NKAIN3: variants seen among roughly 807,000 people sequenced by gnomAD.
NKAIN3 encodes sodium/potassium-transporting ATPase subunit beta-1-interacting protein 3.
In NKAIN3, 25 loss-of-function variants were observed where a neutral mutation model predicts 30.2. The ratio of observed to expected loss-of-function variants is 0.83; its 90% CI spans 0.60 to 1.16. The LOEUF is 1.16. NKAIN3 is among the 50% of genes most tolerant of loss of function. The pLI is 0.00. For missense variants in NKAIN3, 225 were observed against 254.1 expected (o/e 0.89, Z 0.78); for synonymous variants, 91 against 89.6 (o/e 1.02, Z -0.09).
At chr8:62,719,218 A>G (rs1244565090) in intron 3 of NKAIN3, among the ~76,000 whole-genome samples, 1 of 152,220 alleles carries the variant, frequency 6.6e-6, no homozygotes, top group Non-Finnish European at 1.5e-5. Context: ...GGCCTGGCTC[A>G]GGACTGCTGA....
chr8:62,300,143 A>G (rs1170811661), intron 1 of NKAIN3, among the ~76,000 whole-genome samples: 4 of 152,050 alleles, frequency 2.6e-5, no homozygotes, highest in African/African-American at 7.2e-5. Flanking sequence ...GTTTGTATGC[A>G]TGGTGGTGGT....
intron 1 of NKAIN3, among the ~76,000 whole-genome samples, chr8:62,446,659 A>G (rs1181994041): frequency 6.6e-6 from 1 of 152,094 alleles, no homozygotes; most frequent in Non-Finnish European, 1.5e-5. Context: ...ACATCATTCT[A>G]CTTTCTATCT....
At position 62,918,572 on chromosome 8, in the gene NKAIN3, A is replaced by G. The variant is rs1011893647; in HGVS notation, c.532+59A>G. 1.4e-5 allele frequency: 15 copies of G among 1,082,790 alleles called. No homozygotes were observed. The Admixed American group carries it at 2.7e-4, about 20-fold the overall frequency. The allele number at this position is 1,082,790 out of a possible 1,614,324, so 67.1% of individuals were successfully genotyped here. On this transcript the variant is annotated intron_variant, in intron 5 of 6. Transcript: ENST00000623646. The stretch of plus-strand genomic sequence containing the variant: ...TTTTGAATGAGATACAGCTTCCAAA[A>G]CTAATCATTACAGGGCTATGAAATG...
intron 1 of NKAIN3, among the ~76,000 whole-genome samples, chr8:62,424,367 C>A (rs1804736250): frequency 6.6e-6 from 1 of 151,628 alleles, no homozygotes; most frequent in Admixed American, 6.6e-5. Flanking sequence ...GAAACCTACA[C>A]AATGGAGGAA....
chr8:62,329,063 T>G (rs925392683), intron 1 of NKAIN3, among the ~76,000 whole-genome samples: 2 of 151,964 alleles, frequency 1.3e-5, no homozygotes, highest in Middle Eastern at 3.2e-3. Flanking sequence ...GAGGTGAGGA[T>G]CTAAAGCCTT....
At chr8:62,629,210 G>C (rs1226471319) in intron 3 of NKAIN3, among the ~76,000 whole-genome samples, 1 of 152,032 alleles carries the variant, frequency 6.6e-6, no homozygotes. Flanking sequence ...GCCAGGCTTT[G>C]TTTAACACCT....
At chr8:62,727,185 T>G (rs894103963) in intron 3 of NKAIN3, among the ~76,000 whole-genome samples, 3 of 152,094 alleles carry the variant, frequency 2.0e-5, no homozygotes, top group African/African-American at 7.2e-5. Flanking sequence ...AAATTAGGAA[T>G]AGAGGGGGAC....
chr8:62,661,149 A>G (rs1309778679), intron 3 of NKAIN3, among the ~76,000 whole-genome samples: 2 of 152,206 alleles, frequency 1.3e-5, no homozygotes, highest in Admixed American at 1.3e-4. Flanking sequence ...CACGTACGCC[A>G]TCCTTCCAGG....
chr8:62,544,568 C>G (rs1808948878), intron 1 of NKAIN3, among the ~76,000 whole-genome samples: 1 of 151,320 alleles, frequency 6.6e-6, no homozygotes, highest in South Asian at 2.1e-4. Context: ...ATTTTAAAAA[C>G]TATAGATAAC....
intron 4 of NKAIN3, among the ~76,000 whole-genome samples, chr8:62,819,270 C>T (rs1818781395): frequency 6.6e-6 from 1 of 151,244 alleles, no homozygotes; most frequent in South Asian, 2.1e-4. Context: ...GATATGATGA[C>T]TGGGACTTGC....
At chr8:62,933,919 C>T (rs759211081) in intron 5 of NKAIN3, among the ~76,000 whole-genome samples, 3 of 152,178 alleles carry the variant, frequency 2.0e-5, no homozygotes, top group Non-Finnish European at 2.9e-5. Context: ...ATTACAAAAA[C>T]TTTGAGAGGG....
chr8:62,288,728 A>G (rs1186918404), intron 1 of NKAIN3, among the ~76,000 whole-genome samples: 1 of 152,222 alleles, frequency 6.6e-6, no homozygotes, highest in Non-Finnish European at 1.5e-5. Flanking sequence ...TTATAGCAGC[A>G]TGATTTATAA....
In NKAIN3 at chr8:62,412,138, A is replaced by G. The variant is rs1804257090; in HGVS notation, c.54+163011A>G. 2.6e-5 allele frequency among the ~76,000 whole-genome samples: 4 copies of G among 152,306 alleles called. No individual in the cohort carries two copies. The South Asian group carries it at 8.3e-4, about 32-fold the overall frequency. On this transcript the variant is annotated intron_variant, in intron 1 of 6. Transcript: ENST00000623646. ...AATACTGAGCATAAAGAACAAGGCC[A>G]AAGGCATCACACTAACCAAATTCAA...
intron 1 of NKAIN3, among the ~76,000 whole-genome samples, chr8:62,321,543 T>A (rs972873134): frequency 6.6e-6 from 1 of 152,212 alleles, no homozygotes; most frequent in Non-Finnish European, 1.5e-5. Context: ...GTTTTCCTTC[T>A]AACAGTCAGG....
intron 3 of NKAIN3, among the ~76,000 whole-genome samples, chr8:62,685,006 G>C (rs78544104): frequency 6.6e-6 from 1 of 152,228 alleles, no homozygotes; most frequent in African/African-American, 2.4e-5. Context: ...GAAGTCCTAA[G>C]AGACTCGCAT....
chr8:62,515,911 T>C (rs901781913), intron 1 of NKAIN3, among the ~76,000 whole-genome samples: 4 of 152,158 alleles, frequency 2.6e-5, no homozygotes, highest in African/African-American at 9.7e-5. Context: ...CTATTGTGTT[T>C]CCTGTCTTCT....
chr8:62,957,324 C>T (rs534580346), intron 6 of NKAIN3, among the ~76,000 whole-genome samples: 29 of 152,216 alleles, frequency 1.9e-4, no homozygotes, highest in Non-Finnish European at 2.8e-4. Flanking sequence ...TTAGTAGAGA[C>T]GGGGTTTCAC....
At chr8:62,997,313 T>A (rs748396237) in intron 5 of NKAIN3, among the ~76,000 whole-genome samples, 1 of 152,084 alleles carries the variant, frequency 6.6e-6, no homozygotes, top group Non-Finnish European at 1.5e-5. Flanking sequence ...AATGGGAGTG[T>A]ATTTGGATTA....
At chr8:62,706,801 TCA>T (rs1814535110) in intron 3 of NKAIN3, among the ~76,000 whole-genome samples, 2 of 152,016 alleles carry the variant, frequency 1.3e-5, no homozygotes, top group Non-Finnish European at 2.9e-5. Context: ...AGTATACACT[TCA>T]CCATATTTGT....
Sources: gnomAD v4.1 joint callset for allele counts (sites outside exome capture counted in the v4.1 genomes callset) on GRCh38, gnomAD v4.1.1 for gene constraint, MANE v1.5 for transcripts, NCBI Gene and HGNC (gene_info 2026-07-23, HGNC 2026-07-21) for gene names.